The following ADCY5 variants were observed in gnomAD, a reference collection of about 807,000 sequenced individuals.
ADCY5 encodes adenylate cyclase type 5.
ADCY5 carries 30 observed loss-of-function variants against 119.7 expected under a neutral mutation model. The ratio of observed to expected loss-of-function variants is 0.25; its 90% CI spans 0.19 to 0.34. The LOEUF (loss-of-function observed/expected upper bound fraction) is 0.34, where lower values mean the gene tolerates loss of function less well. Among genes scored for constraint, ADCY5 ranks in the 10% least tolerant of loss-of-function variants. The pLI, the probability that ADCY5 is intolerant of heterozygous loss-of-function variation, is 1.00. For synonymous variants in ADCY5, 753 were observed against 762.2 expected (o/e 0.99, Z 0.20); for missense variants, 1,324 against 1,775.2 (o/e 0.75, Z 4.57).
rs150826626 is a variant in ADCY5, at chr3:123,352,315, C to T, written c.1284+117G>A. 5.4e-3 allele frequency: 7,167 copies of T among 1,317,082 alleles called. 26 individuals are homozygous for T. Among genetic ancestry groups the T allele is most frequent in the Middle Eastern group, 0.018 (66 of 3,626 alleles). The allele number at this position is 1,317,082 out of a possible 1,614,324, so 81.6% of individuals were successfully genotyped here. A position where few individuals can be genotyped will look rare whatever the true frequency, so the allele number is the denominator to read the frequency against. Reference sequence around the variant, plus strand: ...CATTCCCCATGGGTTGGTCCCCTCCCGGGGAGTGGGGCTGGCAGCCGTAAT... The same window carrying T: ...CATTCCCCATGGGTTGGTCCCCTCCTGGGGAGTGGGGCTGGCAGCCGTAAT... On this transcript the variant is annotated intron_variant, in intron 2 of 20. Transcript: ENST00000462833. The surrounding 1 kb of genome is among the most constrained non-coding windows in gnomAD (Gnocchi z 4.8).
Position 123,320,786 on chromosome 3 carries a change from TAGAAAG to T in ADCY5, c.2089-21_2089-16del, listed in dbSNP as rs1559803507. The T allele has an allele frequency of 1.3e-6, 2 of 1,582,516 alleles. No homozygotes were observed. ...TCTTCAAAGCCCTAGAAGAGAAGGATAGAAAGAGAAAGAGAAGAGAATGAGAACAGA... is the reference window on the plus strand; with the variant it reads ...TCTTCAAAGCCCTAGAAGAGAAGGATAGAAAGAGAAGAGAATGAGAACAGA... On this transcript the variant is annotated splice_polypyrimidine_tract_variant and intron_variant, in intron 8 of 20. Coordinates refer to ENST00000462833, the MANE Select transcript of ADCY5 (RefSeq NM_183357.3).
intron 12 of ADCY5, among the ~76,000 whole-genome samples, chr3:123,308,026 CTCTT>C (rs1447171965): frequency 1.8e-5 from 2 of 113,484 alleles, no homozygotes; most frequent in East Asian, 4.3e-4. Context: ...TTTTTTCATG[CTCTT>C]TTTTTTTTTT....
At chr3:123,359,458 C>A (rs1195562069) in intron 1 of ADCY5, among the ~76,000 whole-genome samples, 2 of 150,788 alleles carry the variant, frequency 1.3e-5, no homozygotes, top group African/African-American at 4.9e-5. Context: ...CTGCCCTCCC[C>A]CAGTCGTGAC....
chr3:123,446,742 C>T (rs1340254577), intron 1 of ADCY5, among the ~76,000 whole-genome samples: 3 of 152,186 alleles, frequency 2.0e-5, no homozygotes, highest in African/African-American at 4.8e-5. Context: ...TGTTCAACAA[C>T]AGCTTTCTGC....
rs559377294 is a variant in ADCY5, at chr3:123,420,891, C to A, written c.1134+26521G>T. Among the ~76,000 whole-genome samples the A allele has an allele frequency of 3.4e-4, 52 of 152,284 alleles. 1 individual carries two copies. The highest frequency in any genetic ancestry group is 1.1e-3 in the African/African-American group (45 of 41,544). ...CCCAGAAGGAAAAATCTGTTCCCTG[C>A]CTCTCTCCTGGCTTGTGGTAGCCTC... On this transcript the variant is annotated intron_variant, in intron 1 of 20. Coordinates refer to ENST00000462833, the MANE Select transcript of ADCY5 (RefSeq NM_183357.3).
intron 8 of ADCY5, among the ~76,000 whole-genome samples, chr3:123,324,539 G>A (rs1941382297): frequency 6.6e-6 from 1 of 151,918 alleles, no homozygotes; most frequent in Non-Finnish European, 1.5e-5. Flanking sequence ...GTGCCCCCGA[G>A]CTGAGCAGCA....
At chr3:123,299,998 G>C in intron 15 of ADCY5, 122 bp downstream of exon 15, 1 of 1,089,336 alleles carries the variant, frequency 9.2e-7, no homozygotes, top group Non-Finnish European at 1.3e-6. Context: ...GTCAGGGCTG[G>C]GGAGGAACAA....
chr3:123,288,651 G>C (rs1462382425), intron 19 of ADCY5, among the ~76,000 whole-genome samples: 3 of 152,338 alleles, frequency 2.0e-5, no homozygotes, highest in East Asian at 3.8e-4. Flanking sequence ...AACACATGGG[G>C]AAGTGTGTAC....
At chr3:123,350,282 G>T (rs1221847235) in intron 2 of ADCY5, among the ~76,000 whole-genome samples, 1 of 152,216 alleles carries the variant, frequency 6.6e-6, no homozygotes, top group Non-Finnish European at 1.5e-5. Context: ...GACCGGAGCT[G>T]CGTCTTGTCC....
At chr3:123,399,084 A>T (rs1944683672) in intron 1 of ADCY5, among the ~76,000 whole-genome samples, 1 of 152,156 alleles carries the variant, frequency 6.6e-6, no homozygotes, top group Admixed American at 6.5e-5. Context: ...GGCTTCTCTA[A>T]GGGTTCCAAG....
intron 3 of ADCY5, among the ~76,000 whole-genome samples, chr3:123,341,237 CA>C (rs1942267912): frequency 6.6e-6 from 1 of 152,144 alleles, no homozygotes; most frequent in East Asian, 1.9e-4. Flanking sequence ...CATCAATGGA[CA>C]CTTTGTATGG....
chr3:123,437,941 A>G (rs1024222987), intron 1 of ADCY5, among the ~76,000 whole-genome samples: 7 of 152,202 alleles, frequency 4.6e-5, no homozygotes, highest in African/African-American at 1.7e-4. Context: ...AGCCCCCTCA[A>G]TTTATTTTAT....
intron 1 of ADCY5, chr3:123,419,289 C>T (rs1372211401): frequency 3.7e-6 from 3 of 802,928 alleles, no homozygotes; most frequent in South Asian, 5.7e-5. Flanking sequence ...GTCCGCCCAC[C>T]CACTTCTCTT....
At chr3:123,360,271 A>C (rs1042569958) in intron 1 of ADCY5, among the ~76,000 whole-genome samples, 2 of 152,000 alleles carry the variant, frequency 1.3e-5, no homozygotes, top group African/African-American at 4.8e-5. Flanking sequence ...GACAAACACC[A>C]TCAAGCCCAT....
chr3:123,371,726 C>A (rs1197663768), intron 1 of ADCY5, among the ~76,000 whole-genome samples: 1 of 152,266 alleles, frequency 6.6e-6, no homozygotes, highest in Non-Finnish European at 1.5e-5. Context: ...GCAGCGAAGG[C>A]CAGGCCAGGT....
intron 19 of ADCY5, among the ~76,000 whole-genome samples, chr3:123,288,189 C>G (rs1938907502): frequency 6.6e-6 from 1 of 152,172 alleles, no homozygotes; most frequent in South Asian, 2.1e-4. Flanking sequence ...CAGGGAAAGC[C>G]CGATTCCTGA....
At chr3:123,428,632 G>A (rs1945458859) in intron 1 of ADCY5, among the ~76,000 whole-genome samples, 1 of 152,200 alleles carries the variant, frequency 6.6e-6, no homozygotes, top group South Asian at 2.1e-4. Flanking sequence ...GTCTCTCAGA[G>A]GGGCCTGGGA....
At chr3:123,293,837 G>A (rs916499362) in intron 17 of ADCY5, among the ~76,000 whole-genome samples, 10 of 152,174 alleles carry the variant, frequency 6.6e-5, no homozygotes, top group African/African-American at 2.4e-4. Flanking sequence ...CCTACAAGCA[G>A]CGAGCACACC....
At chr3:123,371,651 G>C (rs1293536548) in intron 1 of ADCY5, among the ~76,000 whole-genome samples, 1 of 152,248 alleles carries the variant, frequency 6.6e-6, no homozygotes, top group African/African-American at 2.4e-5. Flanking sequence ...GATGGGGCAA[G>C]AGCTGGGGAT....
Sources: gnomAD v4.1 joint callset for allele counts (sites outside exome capture counted in the v4.1 genomes callset) on GRCh38, gnomAD v4.1.1 for gene constraint, Gnocchi (gnomAD v3.1) non-coding constraint, MANE v1.5 for transcripts, NCBI Gene and HGNC (gene_info 2026-07-23, HGNC 2026-07-21) for gene names.